The following CABIN1 variants were observed in gnomAD, a reference collection of about 807,000 sequenced individuals.
CABIN1 encodes the protein calcineurin-binding protein cabin-1.
CABIN1 carries 133 observed loss-of-function variants against 227.7 expected under a neutral mutation model. The observed-to-expected ratio is 0.58, with a 90% CI of 0.51 to 0.67. The LOEUF (loss-of-function observed/expected upper bound fraction) is 0.67, where lower values mean the gene tolerates loss of function less well. Ranked by LOEUF, CABIN1 falls within the 30% of genes least tolerant of loss-of-function variation. The pLI is 0.00. For missense variants in CABIN1, 2,408 were observed against 2,852.5 expected, an observed-to-expected ratio of 0.84 and a Z score of 3.55; for synonymous variants, 1,086 against 1,155.1, an observed-to-expected ratio of 0.94 and a Z score of 1.21.
rs2038272696 is a variant in CABIN1 at position 24,050,843 on chromosome 22, T to C, written c.675T>C (p.Asp225=). Residue 225 remains aspartate (D), a synonymous_variant, in exon 8 of 37, where the codon GAT becomes GAC. Coordinates refer to ENST00000263119, the MANE Select transcript of CABIN1 (RefSeq NM_012295.4). ...MFLKCDMSIH[D]VSVSAAETQA... Reference sequence around the variant, plus strand: ...CTTTTAGTGACATGTCGATTCACGATGTTTCGGTGAGTGCAGCTGAGACAC... The same window carrying C: ...CTTTTAGTGACATGTCGATTCACGACGTTTCGGTGAGTGCAGCTGAGACAC... The C allele has an allele frequency of 5.6e-6, 9 of 1,614,244 alleles. No homozygotes were observed. The highest frequency in any genetic ancestry group is 7.6e-6 in the Non-Finnish European group (9 of 1,180,052).
At chr22:24,104,017 A>G (rs952596846) in intron 26 of CABIN1, among the ~76,000 whole-genome samples, 1 of 152,102 alleles carries the variant, frequency 6.6e-6, no homozygotes, top group Non-Finnish European at 1.5e-5. Flanking sequence ...GAGCTTGGAG[A>G]GTCCTACAGC....
At chr22:24,074,459 G>A (rs2040303142) in intron 18 of CABIN1, among the ~76,000 whole-genome samples, 1 of 152,154 alleles carries the variant, frequency 6.6e-6, no homozygotes, top group African/African-American at 2.4e-5. Flanking sequence ...CAAATCCTGG[G>A]AAATATTATT....
At chr22:24,065,168 A>T (rs1365101740) in intron 15 of CABIN1, among the ~76,000 whole-genome samples, 3 of 146,894 alleles carry the variant, frequency 2.0e-5, no homozygotes, top group Non-Finnish European at 4.5e-5. Context: ...TCCCTCCCGG[A>T]CGGGGTGGCT....
At chr22:24,054,242 T>C (rs1263134537) in intron 8 of CABIN1, among the ~76,000 whole-genome samples, 1 of 152,102 alleles carries the variant, frequency 6.6e-6, no homozygotes, top group East Asian at 1.9e-4. Flanking sequence ...CACACAACCT[T>C]GAACCCAACA....
intron 29 of CABIN1, among the ~76,000 whole-genome samples, chr22:24,141,138 G>A (rs2044732302): frequency 6.6e-6 from 1 of 152,258 alleles, no homozygotes; most frequent in Admixed American, 6.5e-5. Flanking sequence ...TGTGACTGAA[G>A]CACGGAGCAG....
At chr22:24,140,262 A>G (rs1197633632) in intron 29 of CABIN1, among the ~76,000 whole-genome samples, 1 of 152,182 alleles carries the variant, frequency 6.6e-6, no homozygotes, top group Non-Finnish European at 1.5e-5. Context: ...CTGCCCCATG[A>G]CTGGCTGGCC....
At position 24,100,030 on chromosome 22, in the gene CABIN1, G is replaced by A. The variant is rs539851878; in HGVS notation, c.4117+1838G>A. Among the ~76,000 whole-genome samples the A allele has an allele frequency of 1.0e-4, 16 of 152,382 alleles. 1 individual carries two copies. In the South Asian group the frequency reaches 3.3e-3, roughly 32 times the overall value. ...CAGATCACTCAGGCATGACAACTGGGCATGACAGGTCCTGGGTGCCAACAT... is the reference window on the plus strand; with the variant it reads ...CAGATCACTCAGGCATGACAACTGGACATGACAGGTCCTGGGTGCCAACAT... On this transcript the variant is annotated intron_variant, in intron 26 of 36. Transcript: ENST00000263119.
intron 1 of CABIN1, among the ~76,000 whole-genome samples, chr22:24,024,149 A>C (rs1336978054): frequency 6.6e-6 from 1 of 151,298 alleles, no homozygotes; most frequent in African/African-American, 2.4e-5. Context: ...ATTTTCTTCC[A>C]TTGTGTGTGT....
chr22:24,059,863 G>A, intron 11 of CABIN1, 61 bp from the exon 12 acceptor site: 2 of 1,425,546 alleles, frequency 1.4e-6, no homozygotes, highest in Non-Finnish European at 2.0e-6. Flanking sequence ...AAAGTAAATA[G>A]GAGACCCTGG....
At chr22:24,050,332 G>A (rs183394654) in intron 7 of CABIN1, among the ~76,000 whole-genome samples, 2 of 152,320 alleles carry the variant, frequency 1.3e-5, no homozygotes, top group Admixed American at 1.3e-4. Context: ...GGGCAGGAGG[G>A]CAGGTGAGGT....
intron 24 of CABIN1, among the ~76,000 whole-genome samples, chr22:24,092,612 C>G (rs2041619739): frequency 1.3e-5 from 2 of 151,810 alleles, no homozygotes; most frequent in African/African-American, 4.8e-5. Flanking sequence ...ACGTGCCCAG[C>G]AAGCCTCTTG....
intron 8 of CABIN1, among the ~76,000 whole-genome samples, chr22:24,053,179 G>A (rs1327973481): frequency 1.3e-5 from 2 of 148,932 alleles, no homozygotes; most frequent in African/African-American, 2.5e-5. Context: ...CTGGGTTCAC[G>A]CCATTCTTCT....
At chr22:24,044,537 G>C (rs1010236748) in intron 6 of CABIN1, among the ~76,000 whole-genome samples, 4 of 152,178 alleles carry the variant, frequency 2.6e-5, no homozygotes, top group African/African-American at 9.7e-5. Context: ...AATCTTTTAA[G>C]TTCTGGTTCC....
At chr22:24,024,545 G>T (rs1213333719) in intron 1 of CABIN1, among the ~76,000 whole-genome samples, 3 of 152,098 alleles carry the variant, frequency 2.0e-5, no homozygotes, top group Admixed American at 1.3e-4. Flanking sequence ...TCTTGGATAT[G>T]TATGTTAATG....
chr22:24,017,038 T>A (rs1453012411), intron 1 of CABIN1, among the ~76,000 whole-genome samples: 2 of 149,750 alleles, frequency 1.3e-5, no homozygotes, highest in Admixed American at 1.3e-4. Context: ...ATACAATTTA[T>A]CTTTTTTTTT....
chr22:24,176,276 G>A lies in CABIN1; in HGVS notation c.6205+1G>A, dbSNP rs767742953. ...GGCGCTGAGCCCACCTGCAGCCAGG[G>A]TAAGGCGAGTTGGGAGCAGCCCAGC... On this transcript the variant is annotated splice_donor_variant, in intron 35 of 36. Coordinates refer to ENST00000263119, the MANE Select transcript of CABIN1 (RefSeq NM_012295.4). LOFTEE classifies it high-confidence loss of function. The A allele has an allele frequency of 6.3e-7, 1 of 1,596,902 alleles. No homozygotes were observed. Among genetic ancestry groups the A allele is most frequent in the South Asian group, 1.1e-5 (1 of 88,968 alleles).
chr22:24,039,715 T>C (rs576076317), intron 4 of CABIN1, among the ~76,000 whole-genome samples: 10 of 152,320 alleles, frequency 6.6e-5, no homozygotes, highest in Admixed American at 2.6e-4. Flanking sequence ...TGTGTGCATC[T>C]TTCTGTGCAC....
intron 29 of CABIN1, among the ~76,000 whole-genome samples, chr22:24,135,413 T>C (rs2044335852): frequency 6.6e-6 from 1 of 151,872 alleles, no homozygotes; most frequent in Non-Finnish European, 1.5e-5. Flanking sequence ...GTGTGACCAA[T>C]ATTGGGCTTT....
chr22:24,103,572 T>A (rs2042337055), intron 26 of CABIN1, among the ~76,000 whole-genome samples: 1 of 152,158 alleles, frequency 6.6e-6, no homozygotes, highest in South Asian at 2.1e-4. Context: ...GGTCAGTTTC[T>A]GGTTGGAGTG....
Sources: allele counts gnomAD v4.1 joint callset (sites outside exome capture counted in the v4.1 genomes callset), GRCh38; gene constraint gnomAD v4.1.1; transcripts MANE v1.5; gene names NCBI Gene and HGNC (gene_info 2026-07-23, HGNC 2026-07-21).